The following CEP83 variants were observed in gnomAD, a reference collection of about 807,000 sequenced individuals.
The protein encoded by CEP83 is centrosomal protein of 83 kDa.
In CEP83, 70 loss-of-function variants were observed where a neutral mutation model predicts 101.9. That is an observed-to-expected ratio of 0.69 (90% CI 0.57 to 0.84). CEP83 has a LOEUF of 0.84. Among genes scored for constraint, CEP83 ranks in the 40% least tolerant of loss-of-function variants. CEP83 has a pLI of 0.00. For synonymous variants in CEP83, 264 were observed against 267.9 expected, an observed-to-expected ratio of 0.99 and a Z score of 0.14; for missense variants, 715 against 787.2, an observed-to-expected ratio of 0.91 and a Z score of 1.10.
chr12:94,360,469 A>G (rs2060695760), intron 11 of CEP83, among the ~76,000 whole-genome samples: 1 of 152,076 alleles, frequency 6.6e-6, no homozygotes, highest in Non-Finnish European at 1.5e-5. Context: ...GCATTTCTAC[A>G]TACTTAAACT....
chr12:94,424,861 T>C (rs2065060901), intron 2 of CEP83: 5 of 1,602,244 alleles, frequency 3.1e-6, no homozygotes, highest in African/African-American at 2.7e-5. Flanking sequence ...TACTGTTGCT[T>C]GGGCTAGGTG....
intron 11 of CEP83, among the ~76,000 whole-genome samples, chr12:94,344,719 A>AC (rs2059851182): frequency 6.6e-6 from 1 of 152,188 alleles, no homozygotes; most frequent in Admixed American, 6.5e-5. Context: ...GGATTGGAAG[A>AC]CTCAATATTG....
At chr12:94,282,337 T>C in the CEP83 span, 2 of 1,614,070 alleles carry the variant, frequency 1.2e-6, no homozygotes, top group Non-Finnish European at 1.7e-6. Context: ...CTTCTGGACA[T>C]CGACAGTTCC....
chr12:94,275,689 T>TA, the CEP83 span, among the ~76,000 whole-genome samples: 1 of 125,646 alleles, frequency 8.0e-6, no homozygotes, highest in African/African-American at 3.2e-5. Context: ...CCGTCTCTAC[T>TA]AAAAAAATAC....
chr12:94,345,809 C>A (rs932135415), intron 11 of CEP83, among the ~76,000 whole-genome samples: 1 of 152,162 alleles, frequency 6.6e-6, no homozygotes, highest in East Asian at 1.9e-4. Context: ...TTAGATCATG[C>A]CCTTTTTGTC....
At chr12:94,442,838 A>G (rs2066511906) in intron 1 of CEP83, among the ~76,000 whole-genome samples, 1 of 152,160 alleles carries the variant, frequency 6.6e-6, no homozygotes, top group South Asian at 2.1e-4. Context: ...TCCTCTATTT[A>G]TAACAAATTA....
At position 94,333,476 on chromosome 12, in the gene CEP83, C is replaced by T. The variant is rs1334062331; in HGVS notation, c.1577+6G>A. On this transcript the variant is annotated splice_donor_region_variant and intron_variant, in intron 13 of 16. Coordinates refer to ENST00000397809, the MANE Select transcript of CEP83 (RefSeq NM_016122.3). ...AAATAGTTTGTACATAAAGAGCAAA[C>T]TCTACTTTTCAGCTTCTAGTTGCGC... The T allele has an allele frequency of 6.2e-7, 1 of 1,610,486 alleles. No individual in the cohort carries two copies. Among genetic ancestry groups the T allele is most frequent in the East Asian group, 2.2e-5 (1 of 44,798 alleles).
At chr12:94,380,192 A>G (rs765673361) in intron 6 of CEP83, among the ~76,000 whole-genome samples, 8 of 152,048 alleles carry the variant, frequency 5.3e-5, no homozygotes, top group South Asian at 2.1e-4. Context: ...ATGAATCTAA[A>G]AAGTTTAAGA....
At chr12:94,371,509 T>C (rs1003776495) in intron 8 of CEP83, among the ~76,000 whole-genome samples, 9 of 152,294 alleles carry the variant, frequency 5.9e-5, no homozygotes, top group African/African-American at 2.2e-4. Flanking sequence ...AAGGATTTAA[T>C]CAATACAAAC....
In CEP83 at chr12:94,335,520, A is replaced by C. The variant is rs1441081841; in HGVS notation, c.1419+69T>G. The C allele has an allele frequency of 6.6e-6, 7 of 1,063,478 alleles. No individual in the cohort carries two copies. The East Asian group carries it at 1.8e-4, about 28-fold the overall frequency. 65.9% of individuals were successfully genotyped at this position (1,063,478 alleles called of 1,614,324 possible). A position where few individuals can be genotyped will look rare whatever the true frequency, so the allele number is the denominator to read the frequency against. Reference sequence around the variant, plus strand: ...AAATACTGATGGCAAAATTTTTTTAAAATTTGCAAAACATAAATTTAAAGA... The same window carrying C: ...AAATACTGATGGCAAAATTTTTTTACAATTTGCAAAACATAAATTTAAAGA... On this transcript the variant is annotated intron_variant, in intron 12 of 16. Transcript: ENST00000397809.
intron 2 of CEP83, chr12:94,424,870 T>C: frequency 1.9e-6 from 3 of 1,600,814 alleles, no homozygotes; most frequent in Non-Finnish European, 2.6e-6. Context: ...TTGGGCTAGG[T>C]GGTGCCATCT....
intron 11 of CEP83, among the ~76,000 whole-genome samples, chr12:94,355,556 A>C (rs1356691448): frequency 1.3e-5 from 2 of 152,356 alleles, no homozygotes; most frequent in East Asian, 3.9e-4. Flanking sequence ...CTAAAACGTA[A>C]AAATCAGTAC....
At chr12:94,281,225 G>A in the CEP83 span, among the ~76,000 whole-genome samples, 28 of 152,286 alleles carry the variant, frequency 1.8e-4, no homozygotes, top group African/African-American at 6.5e-4. Context: ...GTTGCAGTGA[G>A]CCCAGATTGC....
chr12:94,303,508 G>C (rs1968672541), downstream of CEP83, among the ~76,000 whole-genome samples: 1 of 152,066 alleles, frequency 6.6e-6, no homozygotes, highest in African/African-American at 2.4e-5. Context: ...TTTATGAGAG[G>C]AAGGCAGAAT....
intron 12 of CEP83, among the ~76,000 whole-genome samples, chr12:94,333,841 T>C (rs926632670): frequency 6.6e-6 from 1 of 152,082 alleles, no homozygotes; most frequent in Non-Finnish European, 1.5e-5. Context: ...AAGAACTATA[T>C]TCCTCAGTCA....
At chr12:94,266,503 G>A in the CEP83 span, among the ~76,000 whole-genome samples, 2 of 152,240 alleles carry the variant, frequency 1.3e-5, no homozygotes, top group African/African-American at 4.8e-5. Flanking sequence ...GCATGCTGGA[G>A]TTTCCGATGC....
chr12:94,439,200 C>T (rs2066216411), intron 1 of CEP83, among the ~76,000 whole-genome samples: 1 of 151,898 alleles, frequency 6.6e-6, no homozygotes, highest in Non-Finnish European at 1.5e-5. Context: ...TGAAACACAA[C>T]AACAAGAACA....
At chr12:94,348,840 C>T (rs971058041) in intron 11 of CEP83, among the ~76,000 whole-genome samples, 1 of 152,208 alleles carries the variant, frequency 6.6e-6, no homozygotes, top group Non-Finnish European at 1.5e-5. Context: ...ACCAATGCGT[C>T]AAAAGTGGAA....
At chr12:94,401,034 C>A in intron 5 of CEP83, 53 bp from the exon 6 acceptor site, 1 of 968,186 alleles carries the variant, frequency 1.0e-6, no homozygotes. Flanking sequence ...CGTACTCACT[C>A]CAATAGTCAC....
Sources: gnomAD v4.1 joint callset for allele counts (sites outside exome capture counted in the v4.1 genomes callset) on GRCh38, gnomAD v4.1.1 for gene constraint, MANE v1.5 for transcripts, NCBI Gene and HGNC (gene_info 2026-07-23, HGNC 2026-07-21) for gene names.